Variants in RNF185 observed in about 807,000 individuals in gnomAD.
RNF185 encodes E3 ubiquitin-protein ligase RNF185.
A neutral mutation model predicts 24.9 loss-of-function variants in RNF185; 13 were observed. The ratio of observed to expected loss-of-function variants is 0.52; its 90% CI spans 0.34 to 0.83. The LOEUF is 0.83. Ranked by LOEUF, RNF185 falls within the 40% of genes least tolerant of loss-of-function variation. The pLI is 0.01. For synonymous variants in RNF185, 79 were observed against 90.3 expected (o/e 0.88, Z 0.71); for missense variants, 184 against 244.7 (o/e 0.75, Z 1.65).
chr22:31,166,625 T>TCTC (rs1568958318), intron 1 of RNF185, among the ~76,000 whole-genome samples: 1 of 143,632 alleles, frequency 7.0e-6, no homozygotes, highest in African/African-American at 2.6e-5. Context: ...TCCTCCTCCT[T>TCTC]CTTCTTCTTC....
intron 6 of RNF185, among the ~76,000 whole-genome samples, chr22:31,202,528 C>T (rs1193532830): frequency 1.3e-5 from 2 of 151,816 alleles, no homozygotes; most frequent in African/African-American, 4.8e-5. Flanking sequence ...TGACTGCCTG[C>T]CTGCCTGCCT....
chr22:31,165,676 G>A (rs1215118136), intron 1 of RNF185, among the ~76,000 whole-genome samples: 1 of 152,340 alleles, frequency 6.6e-6, no homozygotes, highest in African/African-American at 2.4e-5. Flanking sequence ...TGGAGTTGGA[G>A]TGGCCATGGG....
chr22:31,201,366 G>A (rs534607012), intron 5 of RNF185, 132 bp from the exon 6 acceptor site: 19 of 729,530 alleles, frequency 2.6e-5, no homozygotes, highest in African/African-American at 1.2e-4. Context: ...CCCCACCTTC[G>A]AAACATGTGG....
At chr22:31,170,984 G>A (rs185465958) in intron 1 of RNF185, among the ~76,000 whole-genome samples, 140 of 151,982 alleles carry the variant, frequency 9.2e-4, no homozygotes, top group Non-Finnish European at 1.4e-3. Context: ...ACAGGTCTCT[G>A]AATACAGGAG....
chr22:31,194,644 C>T (rs1046484646), intron 3 of RNF185, among the ~76,000 whole-genome samples: 6 of 152,036 alleles, frequency 3.9e-5, no homozygotes, highest in Non-Finnish European at 7.4e-5. Context: ...AGGAGAATTG[C>T]TTGAACCCAG....
At chr22:31,167,119 A>T (rs1048069590) in intron 1 of RNF185, among the ~76,000 whole-genome samples, 23 of 152,026 alleles carry the variant, frequency 1.5e-4, no homozygotes, top group Admixed American at 7.2e-4. Context: ...TTTTCTTAAA[A>T]TTTTTTTTAT....
chr22:31,183,521 A>G (rs1015299059), intron 1 of RNF185, among the ~76,000 whole-genome samples: 8 of 152,094 alleles, frequency 5.3e-5, no homozygotes, highest in African/African-American at 4.8e-5. Context: ...TCCTAGGCAG[A>G]GGGCCCTGCC....
rs2048320427 is a variant in RNF185, at chr22:31,206,957, A to G, written c.*2371A>G. ...CAGTGGCACACCTTAACCAGTCACT[A>G]ATTTTCACTGTTGTGAAAGTGATTT... On this transcript the variant is annotated 3_prime_UTR_variant, in exon 7 of 7. Transcript: ENST00000326132. 6.6e-6 allele frequency: 1 copy of G among 152,252 alleles called. No individual in the cohort carries two copies. The highest frequency in any genetic ancestry group is 1.5e-5 in the Non-Finnish European group (1 of 68,042). The allele number at this position is 152,252 out of a possible 1,614,324, so 9.4% of individuals were successfully genotyped here. A position where few individuals can be genotyped will look rare whatever the true frequency, so the allele number is the denominator to read the frequency against.
chr22:31,165,999 A>AT (rs1181665396), intron 1 of RNF185, among the ~76,000 whole-genome samples: 4 of 145,196 alleles, frequency 2.8e-5, no homozygotes, highest in South Asian at 2.1e-4. Context: ...TTTTATTATT[A>AT]TTTTTTTTTA....
intron 1 of RNF185, among the ~76,000 whole-genome samples, chr22:31,178,834 T>C (rs1345474118): frequency 6.6e-6 from 1 of 152,202 alleles, no homozygotes; most frequent in Non-Finnish European, 1.5e-5. Flanking sequence ...AGTTACAACA[T>C]TGCACGATAA....
At chr22:31,202,591 G>A (rs2048273157) in intron 6 of RNF185, among the ~76,000 whole-genome samples, 1 of 143,758 alleles carries the variant, frequency 7.0e-6, no homozygotes, top group Non-Finnish European at 1.5e-5. Context: ...TCAGCACCAA[G>A]ATATCTTGGG....
At chr22:31,171,744 G>A (rs867299295) in intron 1 of RNF185, among the ~76,000 whole-genome samples, 3 of 151,920 alleles carry the variant, frequency 2.0e-5, no homozygotes, top group Admixed American at 6.6e-5. Flanking sequence ...CGAGGCAAGC[G>A]GATCACCTGA....
chr22:31,163,044 G>T (rs190276390), intron 1 of RNF185, among the ~76,000 whole-genome samples: 1 of 152,076 alleles, frequency 6.6e-6, no homozygotes, highest in Non-Finnish European at 1.5e-5. Context: ...GATTACAGGC[G>T]TGAGCCACCA....
rs373514469 is a variant in RNF185 at position 31,174,719 on chromosome 22, C to T, written c.-48-12328C>T. 3.0e-4 allele frequency among the ~76,000 whole-genome samples: 45 copies of T among 151,026 alleles called. No homozygotes were observed. The East Asian group carries it at 5.4e-3, about 18-fold the overall frequency. On this transcript the variant is annotated intron_variant, in intron 1 of 6. Transcript: ENST00000326132. Reference sequence around the variant, plus strand: ...TTAAAAATGAAACATGGTAATTTTTCAAAAATAATTGAAGCTTAAAACCCA... The same window carrying T: ...TTAAAAATGAAACATGGTAATTTTTTAAAAATAATTGAAGCTTAAAACCCA...
At chr22:31,180,998 C>T (rs2048031101) in intron 1 of RNF185, among the ~76,000 whole-genome samples, 1 of 151,064 alleles carries the variant, frequency 6.6e-6, no homozygotes, top group Non-Finnish European at 1.5e-5. Context: ...CACATACATA[C>T]TCATATACAT....
chr22:31,189,280 CTTTTTTTTT>C (rs1050842065), intron 2 of RNF185, among the ~76,000 whole-genome samples: 1 of 61,538 alleles, frequency 1.6e-5, no homozygotes, highest in Non-Finnish European at 2.8e-5. Context: ...TGTTGTATAT[CTTTTTTTTT>C]TTTTTTTTTT....
intron 3 of RNF185, among the ~76,000 whole-genome samples, chr22:31,194,246 A>G (rs2147955921): frequency 6.6e-6 from 1 of 152,252 alleles, no homozygotes; most frequent in African/African-American, 2.4e-5. Flanking sequence ...AGAAACCCAA[A>G]ACGGGATTTT....
At chr22:31,194,937 A>C (rs1481669460) in intron 3 of RNF185, among the ~76,000 whole-genome samples, 1 of 151,790 alleles carries the variant, frequency 6.6e-6, no homozygotes, top group Non-Finnish European at 1.5e-5. Flanking sequence ...AAGCATGAAG[A>C]AGCCTAATTG....
intron 1 of RNF185, among the ~76,000 whole-genome samples, chr22:31,170,251 C>T (rs2047914973): frequency 6.6e-6 from 1 of 152,006 alleles, no homozygotes. Context: ...TGCAGTGGTG[C>T]AATCTCTGCT....
Sources: gnomAD v4.1 joint callset for allele counts (sites outside exome capture counted in the v4.1 genomes callset) on GRCh38, gnomAD v4.1.1 for gene constraint, MANE v1.5 for transcripts, NCBI Gene and HGNC (gene_info 2026-07-23, HGNC 2026-07-21) for gene names.